Variants in SPECC1 observed in about 807,000 individuals in gnomAD.
SPECC1 encodes the protein sperm antigen with calponin homology and coiled-coil domains 1.
SPECC1 carries 62 observed loss-of-function variants against 104.1 expected under a neutral mutation model. That is an observed-to-expected ratio of 0.60 (90% confidence interval 0.49 to 0.74). SPECC1 has a LOEUF of 0.74. Ranked by LOEUF, SPECC1 falls within the 30% of genes least tolerant of loss-of-function variation. The pLI is 0.00. For synonymous variants in SPECC1, 513 were observed against 501.6 expected, an observed-to-expected ratio of 1.02 and a Z score of -0.30; for missense variants, 1,306 against 1,310.5, an observed-to-expected ratio of 1.00 and a Z score of 0.05.
chr17:20,249,375 G>A (rs537674119), intron 9 of SPECC1, among the ~76,000 whole-genome samples: 4 of 152,174 alleles, frequency 2.6e-5, no homozygotes, highest in Non-Finnish European at 4.4e-5. Context: ...CTGAGATCGC[G>A]CCACTGCATT....
intron 2 of SPECC1, among the ~76,000 whole-genome samples, chr17:20,108,623 C>G (rs2048341745): frequency 6.6e-6 from 1 of 152,186 alleles, no homozygotes; most frequent in Admixed American, 6.5e-5. Context: ...TAGCATAATA[C>G]CTGGGACAGC....
chr17:20,124,018 G>A (rs543474984), intron 3 of SPECC1, among the ~76,000 whole-genome samples: 74 of 152,166 alleles, frequency 4.9e-4, no homozygotes, highest in Non-Finnish European at 8.8e-4. Flanking sequence ...GGCTTGCTGG[G>A]GTGAGAGTGG....
At chr17:20,296,258 C>T (rs1325743766) in intron 12 of SPECC1, among the ~76,000 whole-genome samples, 2 of 152,202 alleles carry the variant, frequency 1.3e-5, no homozygotes, top group African/African-American at 4.8e-5. Context: ...GTTTTCCCAG[C>T]ACCATTTATT....
intron 1 of SPECC1, among the ~76,000 whole-genome samples, chr17:20,030,568 A>G (rs2044768954): frequency 6.6e-6 from 1 of 152,186 alleles, no homozygotes; most frequent in South Asian, 2.1e-4. Context: ...TTATAGGTTC[A>G]ACAATAGGCT....
At chr17:20,160,670 A>G (rs1293448245) in intron 3 of SPECC1, among the ~76,000 whole-genome samples, 1 of 152,114 alleles carries the variant, frequency 6.6e-6, no homozygotes, top group African/African-American at 2.4e-5. Flanking sequence ...GTACATCTCT[A>G]TATTCATTCC....
chr17:20,302,406 G>A (rs893674917), intron 13 of SPECC1, among the ~76,000 whole-genome samples: 2 of 152,146 alleles, frequency 1.3e-5, no homozygotes, highest in African/African-American at 4.8e-5. Context: ...GGGAAGTGAG[G>A]CCCTTCGGAG....
intron 1 of SPECC1, among the ~76,000 whole-genome samples, chr17:20,037,985 G>C (rs985218353): frequency 5.3e-5 from 8 of 152,054 alleles, no homozygotes; most frequent in Non-Finnish European, 1.2e-4. Context: ...TATTGGGTGA[G>C]TTGTGGTAAT....
intron 2 of SPECC1, among the ~76,000 whole-genome samples, chr17:20,105,144 C>G (rs2048136477): frequency 1.3e-5 from 2 of 151,970 alleles, no homozygotes; most frequent in African/African-American, 4.8e-5. Context: ...GTTGCCCATA[C>G]TGGAGTGCAG....
intron 1 of SPECC1, among the ~76,000 whole-genome samples, chr17:20,033,700 G>A (rs756601041): frequency 6.6e-6 from 1 of 152,120 alleles, no homozygotes; most frequent in South Asian, 2.1e-4. Flanking sequence ...TGCAAGAATG[G>A]CACCAAACCA....
intron 3 of SPECC1, among the ~76,000 whole-genome samples, chr17:20,178,862 T>C (rs1345363164): frequency 6.6e-6 from 1 of 152,224 alleles, no homozygotes; most frequent in East Asian, 1.9e-4. Context: ...CATGGAATTC[T>C]TTTTTAAAAG....
At chr17:20,085,246 G>C (rs1451826345) in intron 1 of SPECC1, among the ~76,000 whole-genome samples, 2 of 152,210 alleles carry the variant, frequency 1.3e-5, no homozygotes, top group African/African-American at 4.8e-5. Context: ...AGAGGAGGTG[G>C]AGGTGGCTTC....
intron 1 of SPECC1, among the ~76,000 whole-genome samples, chr17:20,054,069 T>A (rs989456970): frequency 5.3e-5 from 8 of 152,240 alleles, no homozygotes; most frequent in Non-Finnish European, 1.2e-4. Context: ...TTCTAGTCAC[T>A]CTGTCAGTTT....
intron 3 of SPECC1, among the ~76,000 whole-genome samples, chr17:20,194,501 A>AATTATTATT (rs199565191): frequency 1.5e-5 from 1 of 68,130 alleles, no homozygotes; most frequent in Non-Finnish European, 2.6e-5. Flanking sequence ...AAAGAGAACG[A>AATTATTATT]ATTTTTTTTT....
At chr17:20,312,240 G>C (rs897340303) in intron 14 of SPECC1, among the ~76,000 whole-genome samples, 1 of 152,120 alleles carries the variant, frequency 6.6e-6, no homozygotes, top group Admixed American at 6.6e-5. Flanking sequence ...ATCTGGGTCT[G>C]GTATCTTTTG....
chr17:20,051,081 TTTCTTTCTTTC>T (rs1375541000), intron 1 of SPECC1, among the ~76,000 whole-genome samples: 1 of 56,038 alleles, frequency 1.8e-5, no homozygotes, highest in Non-Finnish European at 3.6e-5. Context: ...TCTTTCTTTC[TTTCTTTCTTTC>T]TTTCTTTCTT....
intron 13 of SPECC1, among the ~76,000 whole-genome samples, chr17:20,304,020 C>G (rs1016646397): frequency 2.0e-5 from 3 of 150,188 alleles, no homozygotes; most frequent in East Asian, 4.0e-4. Context: ...ACCTGTAATC[C>G]CAGCACTTTG....
rs1463517365 is a variant in SPECC1, at chr17:20,148,795, C to T, written c.283+38233C>T. ...AGTGCAGTGGCGCGTTCTCGGCTCA[C>T]TGCAGCCTCTGCCTCCCAGGTTCAA... On this transcript the variant is annotated intron_variant, in intron 3 of 14. Transcript: ENST00000395527. Among the ~76,000 whole-genome samples the T allele has an allele frequency of 2.0e-5, 3 of 152,286 alleles. No individual in the cohort carries two copies. In the East Asian group the frequency reaches 5.8e-4, roughly 29 times the overall value.
At chr17:20,058,229 T>C (rs1311483372) in intron 1 of SPECC1, among the ~76,000 whole-genome samples, 1 of 152,228 alleles carries the variant, frequency 6.6e-6, no homozygotes, top group African/African-American at 2.4e-5. Context: ...GCGAGCACCT[T>C]TCTCCTTAGT....
At chr17:20,063,182 A>G (rs1471909099) in intron 1 of SPECC1, among the ~76,000 whole-genome samples, 2 of 152,162 alleles carry the variant, frequency 1.3e-5, no homozygotes, top group African/African-American at 4.8e-5. Context: ...GCTTTAGCTC[A>G]TATTGGTTGC....
Sources: allele counts gnomAD v4.1 joint callset (sites outside exome capture counted in the v4.1 genomes callset), GRCh38; gene constraint gnomAD v4.1.1; transcripts MANE v1.5; gene names NCBI Gene and HGNC (gene_info 2026-07-23, HGNC 2026-07-21).